SSH2: variants seen among roughly 807,000 people sequenced by gnomAD.
SSH2 encodes protein phosphatase Slingshot homolog 2.
In SSH2, 37 loss-of-function variants were observed where a neutral mutation model predicts 135.2. The observed-to-expected ratio is 0.27, with a 90% CI of 0.21 to 0.36. SSH2 has a LOEUF of 0.36. Among genes scored for constraint, SSH2 ranks in the 10% least tolerant of loss-of-function variants. The pLI, the probability that SSH2 is intolerant of heterozygous loss-of-function variation, is 1.00. For missense variants in SSH2, 1,408 were observed against 1,765.3 expected (o/e 0.80, Z 3.63); for synonymous variants, 628 against 646.2 (o/e 0.97, Z 0.43).
chr17:29,888,931 C>CAAA (rs1175371440), intron 1 of SSH2, among the ~76,000 whole-genome samples: 1 of 42,082 alleles, frequency 2.4e-5, no homozygotes, highest in African/African-American at 1.2e-4. Context: ...GACACTATCT[C>CAAA]AAAAAAAAAA....
intron 3 of SSH2, chr17:29,761,298 A>G (rs2041291286): frequency 7.8e-7 from 1 of 1,276,082 alleles, no homozygotes; most frequent in Admixed American, 2.3e-5. Flanking sequence ...CAAAGTGCAC[A>G]ACTCCGCATC....
chr17:29,721,496 GA>G (rs2039822105), intron 3 of SSH2, among the ~76,000 whole-genome samples: 1 of 152,176 alleles, frequency 6.6e-6, no homozygotes, highest in East Asian at 1.9e-4. Context: ...TGATTGGAAG[GA>G]AAGCTAGAAT....
At chr17:29,787,200 G>A (rs550111762) in intron 3 of SSH2, among the ~76,000 whole-genome samples, 3 of 152,232 alleles carry the variant, frequency 2.0e-5, no homozygotes, top group African/African-American at 4.8e-5. Flanking sequence ...ATTATTCTAG[G>A]TATCTCATGT....
At chr17:29,862,558 C>A (rs1045126332) in intron 1 of SSH2, among the ~76,000 whole-genome samples, 1 of 152,126 alleles carries the variant, frequency 6.6e-6, no homozygotes, top group African/African-American at 2.4e-5. Context: ...ACTGGAAGAG[C>A]CGTTACATGA....
chr17:29,914,630 A>C (rs1462501849), intron 1 of SSH2, among the ~76,000 whole-genome samples: 1 of 152,142 alleles, frequency 6.6e-6, no homozygotes, highest in African/African-American at 2.4e-5. Context: ...AACATTAATA[A>C]TTTAAATGAA....
chr17:29,818,733 ATTAG>A (rs1029569451), intron 2 of SSH2, among the ~76,000 whole-genome samples: 3 of 152,136 alleles, frequency 2.0e-5, no homozygotes, highest in African/African-American at 7.2e-5. Context: ...CCTTATTGTC[ATTAG>A]TTAAATATTT....
intron 1 of SSH2, among the ~76,000 whole-genome samples, chr17:29,919,745 A>T (rs918150642): frequency 2.1e-5 from 3 of 140,712 alleles, no homozygotes; most frequent in Non-Finnish European, 3.1e-5. Context: ...CTGAATGGAA[A>T]AACTACAGCT....
At chr17:29,702,332 GA>G (rs1429274117) in intron 4 of SSH2, among the ~76,000 whole-genome samples, 1 of 141,434 alleles carries the variant, frequency 7.1e-6, no homozygotes, top group East Asian at 2.1e-4. Flanking sequence ...TAGCCTGGGT[GA>G]CAGAGTGAGA....
intron 3 of SSH2, among the ~76,000 whole-genome samples, chr17:29,731,406 G>C (rs1312487452): frequency 2.0e-5 from 3 of 149,370 alleles, no homozygotes; most frequent in Non-Finnish European, 4.4e-5. Flanking sequence ...GTTTTTCATA[G>C]CAGAAGTATT....
chr17:29,834,121 A>T (rs2042904499), intron 2 of SSH2, among the ~76,000 whole-genome samples: 1 of 151,920 alleles, frequency 6.6e-6, no homozygotes, highest in South Asian at 2.1e-4. Context: ...AATTAACTTG[A>T]TATAATATTT....
chr17:29,789,605 T>G (rs566375099), intron 3 of SSH2, among the ~76,000 whole-genome samples: 3 of 152,192 alleles, frequency 2.0e-5, no homozygotes, highest in Non-Finnish European at 2.9e-5. Flanking sequence ...CAGGCTGTCT[T>G]CACTTCAGTT....
chr17:29,815,815 C>G (rs917315714), intron 2 of SSH2, among the ~76,000 whole-genome samples: 1 of 152,062 alleles, frequency 6.6e-6, no homozygotes, highest in Non-Finnish European at 1.5e-5. Context: ...ATTCAATGTC[C>G]TTTTTCTCTA....
chr17:29,755,089 C>T (rs555513404), intron 3 of SSH2, among the ~76,000 whole-genome samples: 1 of 152,340 alleles, frequency 6.6e-6, no homozygotes, highest in East Asian at 1.9e-4. Flanking sequence ...TGGCTCCTTG[C>T]TTAGTGACTA....
In SSH2 at chr17:29,643,137, T is replaced by C. The variant is rs950305288; in HGVS notation, c.1427+5007A>G. The stretch of plus-strand genomic sequence containing the variant: ...GGCTTGATAGAGCTTCATACAGTCA[T>C]AGGAGTCTGGAGATTTTTTTCTTTG... On this transcript the variant is annotated intron_variant, in intron 14 of 15. Coordinates refer to ENST00000540801, the MANE Select transcript of SSH2 (RefSeq NM_001282129.2). The C allele has an allele frequency of 2.4e-5, 24 of 985,324 alleles. No individual in the cohort carries two copies. In the African/African-American group the frequency reaches 4.2e-4, roughly 17 times the overall value. 61.0% of individuals were successfully genotyped at this position (985,324 alleles called of 1,614,324 possible). A position where few individuals can be genotyped will look rare whatever the true frequency, so the allele number is the denominator to read the frequency against.
chr17:29,753,559 G>A (rs2041016822), intron 3 of SSH2, among the ~76,000 whole-genome samples: 1 of 151,872 alleles, frequency 6.6e-6, no homozygotes, highest in Non-Finnish European at 1.5e-5. Flanking sequence ...CACTTTGGGA[G>A]GCCGAGGCAG....
intron 3 of SSH2, among the ~76,000 whole-genome samples, chr17:29,726,719 G>GT (rs1268074059): frequency 6.6e-6 from 1 of 152,160 alleles, no homozygotes; most frequent in Non-Finnish European, 1.5e-5. Context: ...CATAAAGAAT[G>GT]TTTTTTCTTT....
intron 3 of SSH2, among the ~76,000 whole-genome samples, chr17:29,790,123 G>T (rs1363352408): frequency 6.6e-6 from 1 of 152,148 alleles, no homozygotes; most frequent in Admixed American, 6.5e-5. Flanking sequence ...ATGAGAACAT[G>T]AATTTTGTGG....
intron 3 of SSH2, among the ~76,000 whole-genome samples, chr17:29,776,953 T>C (rs941216938): frequency 1.3e-5 from 2 of 152,272 alleles, no homozygotes; most frequent in African/African-American, 2.4e-5. Context: ...GGCTCATGCC[T>C]GTAATCCCAA....
chr17:29,761,360 GGCGGAGGCGGGCCCGCCGGGTCGC>G (rs1021668805), intron 3 of SSH2: 5 of 1,074,102 alleles, frequency 4.7e-6, no homozygotes, highest in South Asian at 4.4e-5. Flanking sequence ...TGCACCCGGC[GGCGGAGGCGGGCCCGCCGGGTCGC>G]GCGGAGGCAG....
Sources: gnomAD v4.1 joint callset for allele counts (sites outside exome capture counted in the v4.1 genomes callset) on GRCh38, gnomAD v4.1.1 for gene constraint, MANE v1.5 for transcripts, NCBI Gene and HGNC (gene_info 2026-07-23, HGNC 2026-07-21) for gene names.